Variants in SORCS1 observed in about 807,000 individuals in gnomAD.
The protein encoded by SORCS1 is sortilin related VPS10 domain containing receptor 1.
A neutral mutation model predicts 146.1 loss-of-function variants in SORCS1; 60 were observed. The ratio of observed to expected loss-of-function variants is 0.41; its 90% CI spans 0.33 to 0.51. The LOEUF is 0.51. Ranked by LOEUF, SORCS1 falls within the 20% of genes least tolerant of loss-of-function variation. The pLI is 0.21. For missense variants in SORCS1, 1,352 were observed against 1,487.6 expected, an observed-to-expected ratio of 0.91 and a Z score of 1.50; for synonymous variants, 637 against 584.0, an observed-to-expected ratio of 1.09 and a Z score of -1.31.
At chr10:106,637,797 C>T (rs1191364248) in intron 18 of SORCS1, among the ~76,000 whole-genome samples, 21 of 152,176 alleles carry the variant, frequency 1.4e-4, no homozygotes, top group Admixed American at 1.3e-3. Context: ...TAACTAAATA[C>T]CCAAATACTT....
At chr10:107,162,411 G>C (rs963172407) in intron 1 of SORCS1, among the ~76,000 whole-genome samples, 2 of 152,190 alleles carry the variant, frequency 1.3e-5, no homozygotes, top group African/African-American at 4.8e-5. Context: ...GTTCAAATTA[G>C]AGGATTAATT....
At position 106,577,309 on chromosome 10, in the gene SORCS1, A is replaced by G; in HGVS notation, c.*111T>C. 6.2e-7 allele frequency: 1 copy of G among 1,608,576 alleles called. No homozygotes were observed. The highest frequency in any genetic ancestry group is 1.1e-5 in the South Asian group (1 of 89,838). ...TCCTGGCAAAATAGGAAACAGAACA[A>G]CAAAGGAAAGAAAAAAAACACAAAG... On this transcript the variant is annotated 3_prime_UTR_variant, in exon 26 of 26. Coordinates refer to ENST00000263054, the MANE Select transcript of SORCS1 (RefSeq NM_052918.5).
rs117738344 is a variant in SORCS1 at position 106,592,164 on chromosome 10, G to A, written c.3265+5187C>T. Among the ~76,000 whole-genome samples the A allele has an allele frequency of 4.0e-3, 602 of 152,120 alleles. 5 individuals are homozygous for A. The highest frequency in any genetic ancestry group is 6.2e-3 in the Admixed American group (95 of 15,280). On this transcript the variant is annotated intron_variant, in intron 24 of 25. Coordinates refer to ENST00000263054, the MANE Select transcript of SORCS1 (RefSeq NM_052918.5). ...ATACAGGTTCAAGTCTCTCCTTTCC[G>A]CAAAGAGAATTTCAGAAACATACCT...
intron 1 of SORCS1, among the ~76,000 whole-genome samples, chr10:106,998,858 A>C (rs2139585751): frequency 6.6e-6 from 1 of 152,352 alleles, no homozygotes; most frequent in Middle Eastern, 3.4e-3. Flanking sequence ...AGTAAAGCTA[A>C]CAGTCTCTAG....
At chr10:106,997,772 C>T (rs138726021) in intron 1 of SORCS1, among the ~76,000 whole-genome samples, 128 of 152,262 alleles carry the variant, frequency 8.4e-4, no homozygotes, top group African/African-American at 2.8e-3. Flanking sequence ...TAAATAAATT[C>T]AAAACCATGC....
rs187770195 is a variant in SORCS1 at position 106,841,097 on chromosome 10, G to A, written c.627-11424C>T. The stretch of plus-strand genomic sequence containing the variant: ...TCTAGATCTCCTGACCTCATGATCC[G>A]CCTGCCTCGGCCTCCAAAAGTGTTG... On this transcript the variant is annotated intron_variant, in intron 2 of 25. Coordinates refer to ENST00000263054, the MANE Select transcript of SORCS1 (RefSeq NM_052918.5). Among the ~76,000 whole-genome samples, 742 of 151,324 alleles carry A rather than the reference G, an allele frequency of 4.9e-3. 13 individuals are homozygous for A. Among genetic ancestry groups the A allele is most frequent in the African/African-American group, 0.017 (719 of 41,348 alleles).
intron 2 of SORCS1, among the ~76,000 whole-genome samples, chr10:106,877,658 T>C (rs920781413): frequency 8.5e-5 from 13 of 152,182 alleles, no homozygotes; most frequent in African/African-American, 3.1e-4. Context: ...AATTCTAGAT[T>C]AGAATCTGGG....
chr10:106,742,389 T>G (rs201219519), intron 5 of SORCS1, among the ~76,000 whole-genome samples: 1 of 119,982 alleles, frequency 8.3e-6, no homozygotes, highest in Non-Finnish European at 1.9e-5. Flanking sequence ...TTTACACAAT[T>G]TTTTTTTTGA....
intron 2 of SORCS1, among the ~76,000 whole-genome samples, chr10:106,899,591 C>CTTTTTTTTT (rs35476429): frequency 1.0e-5 from 1 of 97,526 alleles, no homozygotes; most frequent in Non-Finnish European, 2.0e-5. Context: ...GCCACCAGGG[C>CTTTTTTTTT]TTTTTTTTTT....
At chr10:107,059,379 A>G (rs909344521) in intron 1 of SORCS1, among the ~76,000 whole-genome samples, 3 of 152,122 alleles carry the variant, frequency 2.0e-5, no homozygotes, top group African/African-American at 7.2e-5. Flanking sequence ...CTTATTTTTC[A>G]ATGTTCTTTA....
chr10:106,762,446 G>A (rs1259717105), intron 4 of SORCS1, among the ~76,000 whole-genome samples: 1 of 135,348 alleles, frequency 7.4e-6, no homozygotes, highest in African/African-American at 2.9e-5. Context: ...AGGCTGGAGT[G>A]CAGTGGTGTG....
intron 6 of SORCS1, among the ~76,000 whole-genome samples, chr10:106,716,933 TGCGACCA>T (rs1201499513): frequency 6.6e-6 from 1 of 152,074 alleles, no homozygotes; most frequent in Admixed American, 6.6e-5. Flanking sequence ...GTCAGGAGTT[TGCGACCA>T]GCCTGACCAA....
At chr10:106,870,914 A>G (rs1950385097) in intron 2 of SORCS1, among the ~76,000 whole-genome samples, 1 of 152,182 alleles carries the variant, frequency 6.6e-6, no homozygotes, top group Admixed American at 6.5e-5. Context: ...GAATAAACAG[A>G]TAACCTACAG....
At chr10:106,591,194 C>A (rs1201173222) in intron 24 of SORCS1, among the ~76,000 whole-genome samples, 3 of 152,176 alleles carry the variant, frequency 2.0e-5, no homozygotes, top group Non-Finnish European at 4.4e-5. Flanking sequence ...GATTCAGTCT[C>A]TTTTGGTAAC....
intron 9 of SORCS1, among the ~76,000 whole-genome samples, chr10:106,692,018 G>A (rs2135678852): frequency 6.6e-6 from 1 of 152,148 alleles, no homozygotes; most frequent in Non-Finnish European, 1.5e-5. Context: ...TAACAGTAAA[G>A]TAACTTTATA....
intron 2 of SORCS1, among the ~76,000 whole-genome samples, chr10:106,879,971 A>G (rs1425478669): frequency 1.3e-5 from 2 of 152,230 alleles, no homozygotes; most frequent in Admixed American, 6.5e-5. Flanking sequence ...TAATATATGG[A>G]TACACTTTTA....
chr10:106,612,396 C>T (rs1035535554), intron 21 of SORCS1, among the ~76,000 whole-genome samples: 2 of 137,944 alleles, frequency 1.4e-5, no homozygotes, highest in Non-Finnish European at 3.1e-5. Flanking sequence ...CTCCCCCTCC[C>T]GCCCCCACCC....
At chr10:106,984,090 A>G (rs1956350754) in intron 1 of SORCS1, among the ~76,000 whole-genome samples, 1 of 152,242 alleles carries the variant, frequency 6.6e-6, no homozygotes. Context: ...GTTATGTATC[A>G]CAGGACTTGA....
Position 106,864,920 on chromosome 10 carries a change from G to A in SORCS1, c.627-35247C>T, listed in dbSNP as rs1950171740. Among the ~76,000 whole-genome samples the A allele has an allele frequency of 2.0e-5, 3 of 152,114 alleles. No individual in the cohort carries two copies. The South Asian group carries it at 6.2e-4, about 32-fold the overall frequency. On this transcript the variant is annotated intron_variant, in intron 2 of 25. Coordinates refer to ENST00000263054, the MANE Select transcript of SORCS1 (RefSeq NM_052918.5). ...GATCCTGTTCCTCCTCACTGGGTGG[G>A]GCCTCCCAAACCAGGGTCTCCAGCC... is the stretch of plus-strand genomic sequence containing the variant.
Sources: gnomAD v4.1 joint callset for allele counts (sites outside exome capture counted in the v4.1 genomes callset) on GRCh38, gnomAD v4.1.1 for gene constraint, MANE v1.5 for transcripts, NCBI Gene and HGNC (gene_info 2026-07-23, HGNC 2026-07-21) for gene names.